DGKI: variants seen among roughly 807,000 people sequenced by gnomAD.
DGKI encodes the protein DAG kinase iota.
A neutral mutation model predicts 147.5 loss-of-function variants in DGKI; 55 were observed. The ratio of observed to expected loss-of-function variants is 0.37; its 90% CI spans 0.30 to 0.47. DGKI has a LOEUF of 0.47. Ranked by LOEUF, DGKI falls within the 20% of genes least tolerant of loss-of-function variation. The pLI is 1.00. For missense variants in DGKI, 1,007 were observed against 1,323.8 expected (o/e 0.76, Z 3.71); for synonymous variants, 469 against 477.1 (o/e 0.98, Z 0.22).
intron 23 of DGKI, among the ~76,000 whole-genome samples, chr7:137,483,878 G>C (rs1054842545): frequency 5.9e-5 from 9 of 151,934 alleles, no homozygotes; most frequent in Non-Finnish European, 1.5e-5. Context: ...CCATGTCTTT[G>C]CTATTGTGAA....
At chr7:137,473,651 A>C (rs1815064447) in intron 23 of DGKI, among the ~76,000 whole-genome samples, 1 of 152,142 alleles carries the variant, frequency 6.6e-6, no homozygotes. Flanking sequence ...AACAAACAAC[A>C]AAAGCTCTCT....
intron 28 of DGKI, among the ~76,000 whole-genome samples, chr7:137,443,362 T>C (rs184360144): frequency 6.6e-6 from 1 of 152,260 alleles, no homozygotes; most frequent in East Asian, 1.9e-4. Context: ...ATACCAATTA[T>C]GAGAGAATTT....
At chr7:137,533,899 T>A (rs574749249) in intron 20 of DGKI, among the ~76,000 whole-genome samples, 1 of 152,144 alleles carries the variant, frequency 6.6e-6, no homozygotes, top group Non-Finnish European at 1.5e-5. Context: ...TGGTGAATCA[T>A]GTATAGAACT....
At chr7:137,525,031 G>C (rs564883014) in intron 20 of DGKI, among the ~76,000 whole-genome samples, 2 of 152,056 alleles carry the variant, frequency 1.3e-5, no homozygotes, top group African/African-American at 4.8e-5. Context: ...TCCAACCCAT[G>C]CACTGTTGTC....
intron 19 of DGKI, among the ~76,000 whole-genome samples, chr7:137,558,128 C>T (rs927846725): frequency 6.6e-6 from 1 of 152,192 alleles, no homozygotes; most frequent in Admixed American, 6.5e-5. Context: ...ATTTTACTTA[C>T]ATAATTTGCA....
At chr7:137,642,939 T>TGTGC (rs921347386) in intron 6 of DGKI, among the ~76,000 whole-genome samples, 1 of 148,788 alleles carries the variant, frequency 6.7e-6, no homozygotes, top group Non-Finnish European at 1.5e-5. Context: ...AGTGTGTGTG[T>TGTGC]GTGTGTGTGT....
In DGKI at chr7:137,447,531, G is replaced by A. The variant is rs963776445; in HGVS notation, c.2736-3429C>T. Reference sequence around the variant, plus strand: ...AAGAGGAGCTTATTAGGTAAGTTAGGAAGGAGAAGAACTCCAGGCAGAATA... The same window carrying A: ...AAGAGGAGCTTATTAGGTAAGTTAGAAAGGAGAAGAACTCCAGGCAGAATA... On this transcript the variant is annotated intron_variant, in intron 27 of 32. Coordinates refer to ENST00000614521, the MANE Select transcript of DGKI (RefSeq NM_001321708.2). Among the ~76,000 whole-genome samples the A allele has an allele frequency of 1.3e-5, 2 of 152,166 alleles. 1 individual carries two copies. The highest frequency in any genetic ancestry group is 4.1e-4 in the South Asian group (2 of 4,828).
At chr7:137,439,195 A>C (rs967617505) in intron 28 of DGKI, among the ~76,000 whole-genome samples, 8 of 152,252 alleles carry the variant, frequency 5.3e-5, no homozygotes, top group African/African-American at 1.9e-4. Flanking sequence ...TATCTATTTC[A>C]GTAATATACA....
intron 11 of DGKI, among the ~76,000 whole-genome samples, chr7:137,599,243 T>C (rs760705370): frequency 1.3e-5 from 2 of 152,136 alleles, no homozygotes; most frequent in Admixed American, 6.5e-5. Flanking sequence ...AATCTAGACT[T>C]TATTTTAAAC....
At chr7:137,722,614 A>G (rs1222976677) in intron 1 of DGKI, 1 of 1,590,422 alleles carries the variant, frequency 6.3e-7, no homozygotes, top group East Asian at 2.2e-5. Flanking sequence ...AAAAATCCCA[A>G]AACATCTTAC....
chr7:137,670,782 C>T (rs192440130), intron 3 of DGKI, among the ~76,000 whole-genome samples: 10 of 152,320 alleles, frequency 6.6e-5, no homozygotes, highest in Admixed American at 3.9e-4. Context: ...TGACAGCCTG[C>T]ACCCAGCTCA....
intron 10 of DGKI, among the ~76,000 whole-genome samples, chr7:137,603,730 T>G (rs1341637757): frequency 1.3e-5 from 2 of 152,160 alleles, no homozygotes; most frequent in African/African-American, 4.8e-5. Flanking sequence ...ATGAGTAGAC[T>G]TAACTATTTC....
At chr7:137,638,649 T>TAC (rs1821501662) in intron 6 of DGKI, among the ~76,000 whole-genome samples, 1 of 6,790 alleles carries the variant, frequency 1.5e-4, no homozygotes, top group Admixed American at 1.4e-3. Flanking sequence ...TATGTGTATG[T>TAC]ATATACACAC....
At chr7:137,489,053 G>A (rs1815669180) in intron 21 of DGKI, among the ~76,000 whole-genome samples, 1 of 152,056 alleles carries the variant, frequency 6.6e-6, no homozygotes, top group Admixed American at 6.5e-5. Context: ...ATTGGTTTCT[G>A]CTAGGGAGAC....
chr7:137,416,475 G>A (rs1454014624), intron 28 of DGKI, among the ~76,000 whole-genome samples: 4 of 152,164 alleles, frequency 2.6e-5, no homozygotes, highest in African/African-American at 9.7e-5. Context: ...GCTTTGTGTT[G>A]CCACATCTGA....
chr7:137,581,957 A>T, intron 14 of DGKI, 29 bp from the exon 15 acceptor site: 1 of 1,586,818 alleles, frequency 6.3e-7, no homozygotes, highest in Middle Eastern at 1.7e-4. Flanking sequence ...ACAGAGGCAA[A>T]ATTTTGTGTG....
intron 28 of DGKI, among the ~76,000 whole-genome samples, chr7:137,434,904 GA>G (rs1283944155): frequency 1.3e-5 from 2 of 152,028 alleles, no homozygotes; most frequent in Non-Finnish European, 1.5e-5. Context: ...GGCTAACTAA[GA>G]AAAAATATGC....
chr7:137,432,107 G>C lies in DGKI; in HGVS notation c.2761+11970C>G, dbSNP rs141009835. On this transcript the variant is annotated intron_variant, in intron 28 of 32. Coordinates refer to ENST00000614521, the MANE Select transcript of DGKI (RefSeq NM_001321708.2). ...CTCCTGCTCCAGCCATGTAGGATGT[G>C]CCTGCTTCCCCTTCGCCTTCTGCCA... 7.2e-5 allele frequency among the ~76,000 whole-genome samples: 11 copies of C among 152,316 alleles called. No homozygotes were observed. In the East Asian group the frequency reaches 1.9e-3, roughly 27 times the overall value.
At chr7:137,808,086 C>T (rs6944671) in intron 1 of DGKI, among the ~76,000 whole-genome samples, 76,265 of 152,012 alleles carry the variant, frequency 0.5, 20,260 homozygotes, top group African/African-American at 0.65. Context: ...TGCTATTTCC[C>T]AGTTGTTCAT....
Sources: allele counts gnomAD v4.1 joint callset (sites outside exome capture counted in the v4.1 genomes callset), GRCh38; gene constraint gnomAD v4.1.1; transcripts MANE v1.5; gene names NCBI Gene and HGNC (gene_info 2026-07-23, HGNC 2026-07-21).